PCTP: variants seen among roughly 807,000 people sequenced by gnomAD.
PCTP encodes the protein START domain-containing protein 2.
Under a neutral mutation model 31.0 loss-of-function variants are expected in PCTP, and 27 were observed. The observed-to-expected ratio is 0.87, with a 90% CI of 0.64 to 1.20. The LOEUF (loss-of-function observed/expected upper bound fraction) is 1.20, where lower values mean the gene tolerates loss of function less well. Ranked by LOEUF, PCTP falls within the 50% of genes most tolerant of loss-of-function variation. PCTP has a pLI of 0.00. For synonymous variants in PCTP, 108 were observed against 101.2 expected, an observed-to-expected ratio of 1.07 and a Z score of -0.40; for missense variants, 287 against 268.2, an observed-to-expected ratio of 1.07 and a Z score of -0.49.
chr17:55,809,523 C>CT (rs1433337764), intron 3 of PCTP, among the ~76,000 whole-genome samples: 23,475 of 128,664 alleles, frequency 0.18, 2,043 homozygotes, highest in African/African-American at 0.26. Flanking sequence ...TTCTCAGAGT[C>CT]TTTTTTTTTT....
In PCTP at chr17:55,822,796, G is replaced by A. The variant is rs147059023; in HGVS notation, c.353G>A (p.Arg118Lys). Residue 118 changes from arginine (R) to lysine (K), a missense_variant, in exon 4 of 4, where the codon AGA (arginine) becomes AAA (lysine). By Grantham distance (26) the Arg-to-Lys change is conservative. Coordinates refer to the PCTP transcript ENST00000572536. ...GAACCAAGCGGGAAGCTCAGAATCA[G>A]AGAGACCTCATCAAGTTTTTGGCAA... 1.7e-5 allele frequency: 21 copies of A among 1,220,396 alleles called. No individual in the cohort carries two copies. The African/African-American group carries it at 3.0e-4, about 17-fold the overall frequency. The allele number at this position is 1,220,396 out of a possible 1,614,324, so 75.6% of individuals were successfully genotyped here. A position where few individuals can be genotyped will look rare whatever the true frequency, so the allele number is the denominator to read the frequency against.
At chr17:55,825,524 T>C (rs939884564), downstream of PCTP, among the ~76,000 whole-genome samples, 1 of 152,214 alleles carries the variant, frequency 6.6e-6, no homozygotes, top group Non-Finnish European at 1.5e-5. Context: ...TATCACAGAC[T>C]TGCAGGTTTG....
intron 5 of PCTP, among the ~76,000 whole-genome samples, chr17:55,837,881 A>G (rs1425520907): frequency 6.6e-6 from 1 of 152,214 alleles, no homozygotes; most frequent in East Asian, 1.9e-4. Flanking sequence ...CACACCTTTA[A>G]TCCCAGCACT....
chr17:55,835,252 C>T (rs1905740507), intron 5 of PCTP, among the ~76,000 whole-genome samples: 1 of 152,202 alleles, frequency 6.6e-6, no homozygotes, highest in South Asian at 2.1e-4. Flanking sequence ...CCATCCCAAG[C>T]CACCAGTTCA....
At chr17:55,777,402 C>G, downstream of PCTP, 3 of 978,504 alleles carry the variant, frequency 3.1e-6, no homozygotes, top group Non-Finnish European at 3.6e-6. Flanking sequence ...TTCCTTCCTA[C>G]CTTCTTCCTT....
intron 1 of PCTP, among the ~76,000 whole-genome samples, chr17:55,754,695 A>G (rs2960078): frequency 0.82 from 124,432 of 152,198 alleles, 54,595 homozygotes; most frequent in Non-Finnish European, 0.98. Flanking sequence ...TCCTTCTTCC[A>G]GGGTATGAGG....
At chr17:55,825,558 A>G (rs572477222), downstream of PCTP, among the ~76,000 whole-genome samples, 8 of 152,330 alleles carry the variant, frequency 5.3e-5, 1 homozygote, top group South Asian at 1.7e-3. Context: ...ATCTGAGTAA[A>G]CTTCCAAATT....
chr17:55,782,852 A>C (rs1418201415), intron 2 of PCTP, among the ~76,000 whole-genome samples: 3 of 152,190 alleles, frequency 2.0e-5, no homozygotes, highest in African/African-American at 7.2e-5. Context: ...TTGTCTGCAT[A>C]GCATGTAATA....
intron 1 of PCTP, among the ~76,000 whole-genome samples, chr17:55,763,134 T>G (rs905690177): frequency 3.9e-5 from 6 of 152,166 alleles, no homozygotes; most frequent in African/African-American, 1.4e-4. Flanking sequence ...TATTCAAATG[T>G]TAGTAAGCTT....
At chr17:55,798,681 CA>C (rs1425678269) in intron 3 of PCTP, among the ~76,000 whole-genome samples, 1 of 151,546 alleles carries the variant, frequency 6.6e-6, no homozygotes, top group East Asian at 1.9e-4. Flanking sequence ...TTAGAAAATG[CA>C]AACTGAGGGA....
In PCTP at chr17:55,795,853, G is replaced by T. The variant is rs145281481; in HGVS notation, c.317+8199G>T. Among the ~76,000 whole-genome samples, 3 of 152,178 alleles carry T rather than the reference G, an allele frequency of 2.0e-5. No individual in the cohort carries two copies. In the East Asian group the frequency reaches 5.8e-4, roughly 29 times the overall value. ...GTAAATATTAATTGAGCATCCATTAGGCATTTTGCATTGAATAAAGTCACA... is the reference window on the plus strand; with the variant it reads ...GTAAATATTAATTGAGCATCCATTATGCATTTTGCATTGAATAAAGTCACA... On this transcript the variant is annotated intron_variant, in intron 3 of 3. Coordinates refer to the PCTP transcript ENST00000572536.
chr17:55,826,361 C>T (rs1171649892), downstream of PCTP, among the ~76,000 whole-genome samples: 5 of 151,938 alleles, frequency 3.3e-5, no homozygotes, highest in African/African-American at 1.2e-4. Context: ...AGCAGGGTTG[C>T]CAGAAACAGA....
At chr17:55,846,976 C>T (rs1479484623), downstream of PCTP, among the ~76,000 whole-genome samples, 1 of 152,156 alleles carries the variant, frequency 6.6e-6, no homozygotes, top group African/African-American at 2.4e-5. Flanking sequence ...TTCCATAGGG[C>T]AGGAATTTTG....
At chr17:55,832,927 T>A (rs918157042) in intron 5 of PCTP, among the ~76,000 whole-genome samples, 1 of 152,112 alleles carries the variant, frequency 6.6e-6, no homozygotes, top group Non-Finnish European at 1.5e-5. Context: ...GTGTAAATGG[T>A]TTAAGAGTTT....
chr17:55,773,751 C>A lies in PCTP; in HGVS notation c.367C>A (p.Leu123Met). 6.2e-7 allele frequency: 1 copy of A among 1,613,764 alleles called. No individual in the cohort carries two copies. The highest frequency in any genetic ancestry group is 8.5e-7 in the Non-Finnish European group (1 of 1,179,786). Residue 123 changes from leucine to methionine, a missense_variant, in exon 4 of 6, where the codon CTG (leucine) becomes ATG (methionine). Transcript: ENST00000268896. ...TGTCTACCTTCGGCAGCGGCGAGAC[C>A]TGGACATGGAAGGGAGGAAGATCCA... ...DYVYLRQRRDLDMEGRKIHVI... is the reference protein window; with the variant it reads ...DYVYLRQRRDMDMEGRKIHVI...
At chr17:55,802,272 A>G (rs1278845324) in intron 3 of PCTP, among the ~76,000 whole-genome samples, 4 of 152,238 alleles carry the variant, frequency 2.6e-5, no homozygotes, top group Non-Finnish European at 5.9e-5. Flanking sequence ...TTAACAGCCA[A>G]ATCCTACCAG....
intron 5 of PCTP, among the ~76,000 whole-genome samples, chr17:55,834,582 C>T (rs963142104): frequency 3.3e-5 from 5 of 152,286 alleles, no homozygotes; most frequent in East Asian, 1.9e-4. Context: ...TGCGGTCCAT[C>T]GCTTGTGTGT....
At chr17:55,791,459 G>GA (rs1319175034) in intron 3 of PCTP, among the ~76,000 whole-genome samples, 1 of 146,836 alleles carries the variant, frequency 6.8e-6, no homozygotes. Flanking sequence ...AAATTTACAA[G>GA]AAAAAAACAA....
chr17:55,793,295 T>A (rs569995567), intron 3 of PCTP, among the ~76,000 whole-genome samples: 1 of 152,208 alleles, frequency 6.6e-6, no homozygotes, highest in South Asian at 2.1e-4. Flanking sequence ...TTGGGGAGGA[T>A]GAGGGGGCAT....
Sources: allele counts gnomAD v4.1 joint callset (sites outside exome capture counted in the v4.1 genomes callset), GRCh38; gene constraint gnomAD v4.1.1; transcripts MANE v1.5; gene names NCBI Gene and HGNC (gene_info 2026-07-23, HGNC 2026-07-21).